Variants in MGRN1 observed in about 807,000 individuals in gnomAD.
MGRN1 encodes E3 ubiquitin-protein ligase MGRN1.
Under a neutral mutation model 69.2 loss-of-function variants are expected in MGRN1, and 29 were observed. The observed-to-expected ratio is 0.42, with a 90% CI of 0.31 to 0.57. The LOEUF (loss-of-function observed/expected upper bound fraction) is 0.57. Ranked by LOEUF, MGRN1 falls within the 20% of genes least tolerant of loss-of-function variation. The pLI, the probability that MGRN1 is intolerant of heterozygous loss-of-function variation, is 0.15. For synonymous variants in MGRN1, 470 were observed against 344.2 expected, an observed-to-expected ratio of 1.37 and a Z score of -4.04; for missense variants, 998 against 796.2, an observed-to-expected ratio of 1.25 and a Z score of -3.05.
chr16:4,662,060 C>T (rs1397734938), intron 5 of MGRN1, among the ~76,000 whole-genome samples: 1 of 152,180 alleles, frequency 6.6e-6, no homozygotes, highest in Admixed American at 6.5e-5. Flanking sequence ...CCCTGGTTCG[C>T]AGTCGGGTAC....
chr16:4,642,373 C>T (rs980294258), intron 1 of MGRN1, among the ~76,000 whole-genome samples: 31 of 152,152 alleles, frequency 2.0e-4, no homozygotes, highest in African/African-American at 6.0e-4. Context: ...TCTCCGCTCA[C>T]GGTAACCTTC....
Position 4,668,491 on chromosome 16 carries a change from ACACT to A in MGRN1, c.726+183_726+186del, listed in dbSNP as rs140795596. ...TACGGACACACATACATACCATCAG[ACACT>A]CACATTCACACATATATAGACACAT... On this transcript the variant is annotated intron_variant, in intron 8 of 16. Transcript: ENST00000262370. Among the ~76,000 whole-genome samples, 753 of 152,088 alleles carry A rather than the reference ACACT, an allele frequency of 5.0e-3. 43 individuals are homozygous for A. In the East Asian group the frequency reaches 0.12, roughly 25 times the overall value.
At chr16:4,625,361 G>A (rs979582284) in intron 1 of MGRN1, among the ~76,000 whole-genome samples, 1 of 152,246 alleles carries the variant, frequency 6.6e-6, no homozygotes, top group Non-Finnish European at 1.5e-5. Flanking sequence ...CGAGGGCGGG[G>A]CGGGGTGCTG....
Position 4,670,093 on chromosome 16 carries a change from C to T in MGRN1, c.727-1298C>T, listed in dbSNP as rs375689397. 1.9e-3 allele frequency among the ~76,000 whole-genome samples: 285 copies of T among 152,228 alleles called. 1 individual carries two copies. The highest frequency in any genetic ancestry group is 6.6e-3 in the African/African-American group (276 of 41,528). ...TTATTTTATTGAGACAAGACAGAGT[C>T]TCGCTCTGTTGCCCAGGCTGGAATG... is the stretch of plus-strand genomic sequence containing the variant. On this transcript the variant is annotated intron_variant, in intron 8 of 16. Transcript: ENST00000262370.
At chr16:4,659,417 G>A (rs530664240) in intron 5 of MGRN1, among the ~76,000 whole-genome samples, 21 of 152,258 alleles carry the variant, frequency 1.4e-4, no homozygotes, top group African/African-American at 4.6e-4. Flanking sequence ...CCCAGTCTCC[G>A]AGCCCTGTGA....
intron 4 of MGRN1, 26 bp from the exon 5 acceptor site, chr16:4,657,220 C>T (rs562604972): frequency 1.2e-6 from 2 of 1,604,584 alleles, no homozygotes; most frequent in Admixed American, 1.7e-5. Flanking sequence ...GCCGCAGCCT[C>T]ACTGCTTGCT....
intron 5 of MGRN1, among the ~76,000 whole-genome samples, chr16:4,659,712 G>A (rs1478071717): frequency 6.6e-6 from 1 of 152,262 alleles, no homozygotes; most frequent in Non-Finnish European, 1.5e-5. Context: ...GGCCTTCAAG[G>A]TGCTATCCTT....
intron 5 of MGRN1, among the ~76,000 whole-genome samples, chr16:4,663,331 G>A (rs1327019446): frequency 6.7e-6 from 1 of 148,386 alleles, no homozygotes; most frequent in Admixed American, 6.7e-5. Flanking sequence ...CCAAAGTGCT[G>A]GGATTACAGG....
chr16:4,661,870 T>G (rs1223190053), intron 5 of MGRN1, among the ~76,000 whole-genome samples: 1 of 152,212 alleles, frequency 6.6e-6, no homozygotes, highest in Non-Finnish European at 1.5e-5. Context: ...GCTTCTTGTG[T>G]GGATGGGTTA....
At chr16:4,653,709 C>G (rs2078459174) in intron 4 of MGRN1, among the ~76,000 whole-genome samples, 1 of 151,450 alleles carries the variant, frequency 6.6e-6, no homozygotes, top group Non-Finnish European at 1.5e-5. Flanking sequence ...AGGATGGTCT[C>G]AATCTCTTGA....
intron 16 of MGRN1, among the ~76,000 whole-genome samples, chr16:4,684,800 G>T (rs950849168): frequency 6.6e-6 from 1 of 152,248 alleles, no homozygotes; most frequent in African/African-American, 2.4e-5. Context: ...AAACAGCCAC[G>T]GTGCTTTCAG....
rs2078590607 is a variant in MGRN1 at position 4,657,999 on chromosome 16, C to A, written c.561+636C>A. On this transcript the variant is annotated intron_variant, in intron 5 of 16. Transcript: ENST00000262370. ...CCTTGTGATCCGCCGGCCTCGGCCT[C>A]CCAAAGTGCTGGGATTACAGGTGTG... 1.3e-5 allele frequency among the ~76,000 whole-genome samples: 2 copies of A among 151,290 alleles called. 1 individual carries two copies. The highest frequency in any genetic ancestry group is 4.2e-4 in the South Asian group (2 of 4,782).
At chr16:4,659,728 G>A (rs545913207) in intron 5 of MGRN1, among the ~76,000 whole-genome samples, 3 of 152,372 alleles carry the variant, frequency 2.0e-5, no homozygotes, top group South Asian at 2.1e-4. Flanking sequence ...TCCTTGTCAG[G>A]ACTTTTGTGG....
intron 1 of MGRN1, among the ~76,000 whole-genome samples, chr16:4,631,539 A>G (rs762510920): frequency 6.6e-6 from 1 of 152,236 alleles, no homozygotes; most frequent in Non-Finnish European, 1.5e-5. Context: ...GTCCCCCACA[A>G]TTAAGAATAA....
intron 1 of MGRN1, among the ~76,000 whole-genome samples, chr16:4,625,752 C>G (rs563122230): frequency 6.6e-6 from 1 of 152,358 alleles, no homozygotes; most frequent in Non-Finnish European, 1.5e-5. Flanking sequence ...TTGTTCCCAG[C>G]TCTCTTTCTG....
intron 1 of MGRN1, among the ~76,000 whole-genome samples, chr16:4,628,536 A>G (rs1045653242): frequency 2.6e-5 from 4 of 151,824 alleles, no homozygotes; most frequent in Admixed American, 6.6e-5. Context: ...CCCTCAGCCC[A>G]TCAGCGATCT....
chr16:4,666,516 G>A lies in MGRN1; in HGVS notation c.678+1365G>A, dbSNP rs192116141. ...AGCCCTGTAGAATTCTGTAGAGCCT[G>A]CTGCCATGCCACGGGCTGGGGCTCC... On this transcript the variant is annotated intron_variant, in intron 7 of 16. Coordinates refer to ENST00000262370, the MANE Select transcript of MGRN1 (RefSeq NM_015246.4). 1.1e-4 allele frequency among the ~76,000 whole-genome samples: 16 copies of A among 152,342 alleles called. No homozygotes were observed. The East Asian group carries it at 2.9e-3, about 28-fold the overall frequency.
chr16:4,678,095 C>T (rs1310786721), intron 11 of MGRN1, among the ~76,000 whole-genome samples: 2 of 152,206 alleles, frequency 1.3e-5, no homozygotes, highest in Non-Finnish European at 2.9e-5. Context: ...GCTAGTCCTG[C>T]CTCAGCCTCC....
chr16:4,657,489 C>T (rs764628577), intron 5 of MGRN1, 126 bp downstream of exon 5: 48 of 908,564 alleles, frequency 5.3e-5, no homozygotes, highest in Admixed American at 1.3e-4. Flanking sequence ...TGGGAACGGC[C>T]GCCCCAGTCT....
Sources: allele counts gnomAD v4.1 joint callset (sites outside exome capture counted in the v4.1 genomes callset), GRCh38; gene constraint gnomAD v4.1.1; transcripts MANE v1.5; gene names NCBI Gene and HGNC (gene_info 2026-07-23, HGNC 2026-07-21).